Variants in KIF13B observed in about 807,000 individuals in gnomAD.
KIF13B encodes the protein kinesin family member 13B.
A neutral mutation model predicts 222.0 loss-of-function variants in KIF13B; 127 were observed. The ratio of observed to expected loss-of-function variants is 0.57; its 90% CI spans 0.50 to 0.66. The LOEUF (loss-of-function observed/expected upper bound fraction) is 0.66, where lower values mean the gene tolerates loss of function less well. Ranked by LOEUF, KIF13B falls within the 30% of genes least tolerant of loss-of-function variation. The probability of loss-of-function intolerance (pLI) is 0.00; values close to 1 mark genes in which losing one functional copy is unlikely to be tolerated. For missense variants in KIF13B, 2,173 were observed against 2,379.0 expected (o/e 0.91, Z 1.80); for synonymous variants, 976 against 919.0 (o/e 1.06, Z -1.12).
At chr8:29,238,551 C>G (rs1815615796) in intron 2 of KIF13B, among the ~76,000 whole-genome samples, 1 of 152,216 alleles carries the variant, frequency 6.6e-6, no homozygotes, top group Non-Finnish European at 1.5e-5. Context: ...TGATCAACAT[C>G]TCAGTCTTCC....
In KIF13B at chr8:29,142,247, C is replaced by T. The variant is rs2129942566; in HGVS notation, c.2244G>A (p.Lys748=). ...AIQVRRKGKG[K]QIWSLEKLDN... ...CCAGTTTTTCCAAAGACCAAATCTG[C>T]TTTCCTTTTCCTTTTCTTCTCACCT... Residue 748 remains lysine (K), a synonymous_variant, in exon 19 of 40, where the codon AAG becomes AAA. Coordinates refer to ENST00000524189, the MANE Select transcript of KIF13B (RefSeq NM_015254.4). The T allele has an allele frequency of 6.2e-7, 1 of 1,613,786 alleles. No individual in the cohort carries two copies. The highest frequency in any genetic ancestry group is 8.5e-7 in the Non-Finnish European group (1 of 1,179,728).
chr8:29,244,992 T>C (rs1354782664), intron 2 of KIF13B, among the ~76,000 whole-genome samples: 2 of 152,212 alleles, frequency 1.3e-5, no homozygotes, highest in Non-Finnish European at 2.9e-5. Flanking sequence ...TCTGACAGCA[T>C]TTGAACTGGC....
In KIF13B at chr8:29,080,262, C is replaced by T. The variant is rs535578483; in HGVS notation, c.4459-4919G>A. Among the ~76,000 whole-genome samples, 7 of 132,802 alleles carry T rather than the reference C, an allele frequency of 5.3e-5. No homozygotes were observed. The East Asian group carries it at 1.6e-3, about 31-fold the overall frequency. 87.1% of individuals were successfully genotyped at this position (132,802 alleles called of 152,430 possible). On this transcript the variant is annotated intron_variant, in intron 37 of 39. Coordinates refer to ENST00000524189, the MANE Select transcript of KIF13B (RefSeq NM_015254.4). ...TGAGAATTGCTTGAGCCCAGAAGGT[C>T]GAGGCTGCAGTAAGCCATGATCATG...
In KIF13B at chr8:29,068,887, C is replaced by T. The variant is rs924597733; in HGVS notation, c.*1617G>A. On this transcript the variant is annotated 3_prime_UTR_variant, in exon 40 of 40. Transcript: ENST00000524189. This position sits in a 1 kb window ranked among gnomAD's most constrained non-coding sequence, Gnocchi z 4.4. ...GGGTTCCCTCAAAATCGGCTAAGGA[C>T]AGGGAGAGCCCTGGAGGAGTGCCTC... 1.3e-5 allele frequency: 2 copies of T among 152,318 alleles called. No homozygotes were observed. Among genetic ancestry groups the T allele is most frequent in the African/African-American group, 4.8e-5 (2 of 41,462 alleles). 9.4% of individuals were successfully genotyped at this position (152,318 alleles called of 1,614,324 possible).
chr8:29,176,934 A>G lies in KIF13B; in HGVS notation c.833+532T>C, dbSNP rs114392736. Among the ~76,000 whole-genome samples, 575 of 152,354 alleles carry G rather than the reference A, an allele frequency of 3.8e-3. 1 individual carries two copies. Among genetic ancestry groups the G allele is most frequent in the African/African-American group, 0.012 (518 of 41,586 alleles). ...TTGGACAAGCATGACAGTGTTTAGTAAAGGAAAAGCTCAACGTGGTTAGTA... is the reference window on the plus strand; with the variant it reads ...TTGGACAAGCATGACAGTGTTTAGTGAAGGAAAAGCTCAACGTGGTTAGTA... On this transcript the variant is annotated intron_variant, in intron 9 of 39. Transcript: ENST00000524189.
chr8:29,216,405 T>C (rs1298867063), intron 2 of KIF13B, among the ~76,000 whole-genome samples: 1 of 152,164 alleles, frequency 6.6e-6, no homozygotes, highest in Non-Finnish European at 1.5e-5. Flanking sequence ...AAAACCAGCC[T>C]GGCCAACATG....
intron 32 of KIF13B, among the ~76,000 whole-genome samples, chr8:29,111,012 C>T (rs759242529): frequency 6.6e-6 from 1 of 152,188 alleles, no homozygotes; most frequent in Non-Finnish European, 1.5e-5. Flanking sequence ...AAGACACATT[C>T]TACTTCAAAG....
intron 2 of KIF13B, among the ~76,000 whole-genome samples, chr8:29,207,594 CAA>C (rs202133085): frequency 1.4e-5 from 2 of 142,616 alleles, no homozygotes; most frequent in South Asian, 2.2e-4. Context: ...GATACTCATC[CAA>C]AAAAAAAAGT....
chr8:29,142,176 T>A lies in KIF13B; in HGVS notation c.2315A>T (p.Glu772Val), dbSNP rs896960113. The change falls in exon 19 of 40, where the codon GAG becomes GTG. Residue 772 changes from glutamate (E) to valine (V), a missense_variant. Physicochemically the swap from Glu to Val is moderately radical, Grantham distance 121. Coordinates refer to ENST00000524189, the MANE Select transcript of KIF13B (RefSeq NM_015254.4). The part of the protein sequence containing the change: ...DMRDLYQEWK[E>V]CEEDNPVIRS... ...ACTTACTGGGTTATCTTCTTCACAC[T>A]CTTTCCACTCCTGATAAAGGTCTCT... The A allele has an allele frequency of 4.3e-6, 7 of 1,613,522 alleles. No homozygotes were observed. Among genetic ancestry groups the A allele is most frequent in the African/African-American group, 1.3e-5 (1 of 75,046 alleles).
Position 29,070,869 on chromosome 8 carries a change from C to A in KIF13B, c.5219-103G>T. ...GGCCATGTGCCCACACTGCCACCCC[C>A]CCGCACAGGCCCTACACAGCCAGCA... On this transcript the variant is annotated intron_variant, in intron 39 of 39. Transcript: ENST00000524189. This position sits in a 1 kb window ranked among gnomAD's most constrained non-coding sequence, Gnocchi z 4.1. The A allele has an allele frequency of 1.6e-6, 2 of 1,213,030 alleles. No homozygotes were observed. Among genetic ancestry groups the A allele is most frequent in the Admixed American group, 4.7e-5 (2 of 42,744 alleles). The allele number at this position is 1,213,030 out of a possible 1,614,324, so 75.1% of individuals were successfully genotyped here.
rs754987193 is a variant in KIF13B, at chr8:29,130,537, C to T, written c.3071G>A (p.Arg1024Gln). 1.5e-5 allele frequency: 25 copies of T among 1,613,604 alleles called. No individual in the cohort carries two copies. The highest frequency in any genetic ancestry group is 2.7e-5 in the African/African-American group (2 of 74,896). ...DVPTGGIFQL[R>Q]QGQSRRVQVE... Reference sequence around the variant, plus strand: ...AAACATTCACAATCTTGTTACCTGCCGGAGCTGGAAGATTCCTCCTGTTGG... The same window carrying T: ...AAACATTCACAATCTTGTTACCTGCTGGAGCTGGAAGATTCCTCCTGTTGG... Residue 1024 changes from arginine to glutamine, a missense_variant, in exon 24 of 40, where the codon CGG becomes CAG. This residue lies in a region of KIF13B where 1,480 missense variants were observed against 1,722.8 expected (regional missense o/e 0.86). Transcript: ENST00000524189.
intron 2 of KIF13B, among the ~76,000 whole-genome samples, chr8:29,229,574 T>A (rs1266495559): frequency 6.6e-6 from 1 of 152,216 alleles, no homozygotes; most frequent in Non-Finnish European, 1.5e-5. Context: ...AAAGTCTCTA[T>A]TCACTTCTTG....
At chr8:29,153,825 A>C (rs1811401662) in intron 14 of KIF13B, among the ~76,000 whole-genome samples, 1 of 152,152 alleles carries the variant, frequency 6.6e-6, no homozygotes, top group South Asian at 2.1e-4. Context: ...ATCCAAGCCC[A>C]GCTGGGTTTC....
chr8:29,076,004 G>A (rs1807541516), intron 37 of KIF13B, among the ~76,000 whole-genome samples: 1 of 152,226 alleles, frequency 6.6e-6, no homozygotes, highest in African/African-American at 2.4e-5. Flanking sequence ...GACAGAGCAG[G>A]GGGAGGAGGT....
chr8:29,191,404 CAAAGAA>C lies in KIF13B; in HGVS notation c.163-353_163-348del, dbSNP rs1320047433. 4.0e-5 allele frequency among the ~76,000 whole-genome samples: 6 copies of C among 151,872 alleles called. No individual in the cohort carries two copies. In the South Asian group the frequency reaches 6.2e-4, roughly 16 times the overall value. ...TTTTCAATATTTTTATTTTTGTAGT[CAAAGAA>C]AAAGATATTTTTTAAATAACATTTA... On this transcript the variant is annotated intron_variant, in intron 3 of 39. Coordinates refer to ENST00000524189, the MANE Select transcript of KIF13B (RefSeq NM_015254.4).
intron 1 of KIF13B, among the ~76,000 whole-genome samples, chr8:29,256,390 A>T (rs907176891): frequency 2.0e-5 from 3 of 152,190 alleles, no homozygotes; most frequent in Non-Finnish European, 4.4e-5. Flanking sequence ...ACCCCGGTGG[A>T]ACTTGGAGCC....
chr8:29,123,976 TATGCATTG>T (rs748729431), intron 27 of KIF13B, 40 bp downstream of exon 27: 1 of 1,112,918 alleles, frequency 9.0e-7, no homozygotes, highest in Admixed American at 1.9e-5. Context: ...AATAATTAAT[TATGCATTG>T]ATTTGCAGGG....
intron 36 of KIF13B, 22 bp downstream of exon 36, chr8:29,099,111 G>T: frequency 1.3e-6 from 2 of 1,532,196 alleles, no homozygotes; most frequent in South Asian, 1.1e-5. Flanking sequence ...GACAGTAATT[G>T]ACAAGTGAAA....
intron 37 of KIF13B, among the ~76,000 whole-genome samples, chr8:29,089,691 C>A (rs1052186034): frequency 1.3e-5 from 2 of 151,760 alleles, no homozygotes; most frequent in Non-Finnish European, 2.9e-5. Flanking sequence ...GTTAGGAGTT[C>A]GAGACCAGCC....
Sources: allele counts gnomAD v4.1 joint callset (sites outside exome capture counted in the v4.1 genomes callset), GRCh38; gene constraint gnomAD v4.1.1; regional missense constraint gnomAD v4.1.1; non-coding constraint Gnocchi (gnomAD v3.1); transcripts MANE v1.5; gene names NCBI Gene and HGNC (gene_info 2026-07-23, HGNC 2026-07-21).